CADPS2: variants seen among roughly 807,000 people sequenced by gnomAD.
CADPS2 encodes calcium-dependent secretion activator 2.
Under a neutral mutation model 172.5 loss-of-function variants are expected in CADPS2, and 93 were observed. The observed-to-expected ratio is 0.54, with a 90% CI of 0.46 to 0.64. The LOEUF is 0.64. Ranked by LOEUF, CADPS2 falls within the 30% of genes least tolerant of loss-of-function variation. The pLI is 0.00. For synonymous variants in CADPS2, 546 were observed against 555.2 expected (o/e 0.98, Z 0.23); for missense variants, 1,420 against 1,565.9 (o/e 0.91, Z 1.57).
At chr7:122,392,401 T>TTAA (rs1449025486) in intron 22 of CADPS2, among the ~76,000 whole-genome samples, 2 of 151,438 alleles carry the variant, frequency 1.3e-5, no homozygotes, top group Admixed American at 1.3e-4. Context: ...TTTTTTTTTT[T>TTAA]AAATCATCAC....
chr7:122,544,716 T>C (rs952211979), intron 8 of CADPS2, among the ~76,000 whole-genome samples: 4 of 152,288 alleles, frequency 2.6e-5, no homozygotes, highest in Middle Eastern at 6.8e-3. Flanking sequence ...TTTTGAAGTA[T>C]ATGCTTATGT....
intron 20 of CADPS2, among the ~76,000 whole-genome samples, chr7:122,403,658 A>G (rs908937220): frequency 6.6e-6 from 1 of 152,182 alleles, no homozygotes; most frequent in Non-Finnish European, 1.5e-5. Context: ...TTAATTTATT[A>G]CCCCACAAAT....
chr7:122,320,808 A>T (rs887891536), intron 29 of CADPS2, among the ~76,000 whole-genome samples: 1 of 152,172 alleles, frequency 6.6e-6, no homozygotes. Context: ...TCGGTAAAAG[A>T]AGTTCACATT....
chr7:122,865,907 C>T (rs574365888), intron 1 of CADPS2, among the ~76,000 whole-genome samples: 1 of 152,328 alleles, frequency 6.6e-6, no homozygotes, highest in African/African-American at 2.4e-5. Context: ...CTTCCCCACC[C>T]AGCACCCTCT....
chr7:122,440,589 T>C (rs186165202), intron 16 of CADPS2, among the ~76,000 whole-genome samples: 18 of 152,284 alleles, frequency 1.2e-4, no homozygotes, highest in East Asian at 1.2e-3. Context: ...GTAGTCCTCA[T>C]CTCCCAAGTT....
At chr7:122,881,758 T>G (rs1822990123) in intron 1 of CADPS2, among the ~76,000 whole-genome samples, 1 of 152,224 alleles carries the variant, frequency 6.6e-6, no homozygotes, top group African/African-American at 2.4e-5. Flanking sequence ...AGTGTTACTT[T>G]GAATTCACTA....
chr7:122,601,947 A>T (rs2072846120), intron 6 of CADPS2, among the ~76,000 whole-genome samples: 1 of 152,034 alleles, frequency 6.6e-6, no homozygotes, highest in Admixed American at 6.6e-5. Flanking sequence ...ATTTTAAAAA[A>T]CTGTATTAAT....
chr7:122,594,195 G>T (rs749247853), intron 6 of CADPS2, among the ~76,000 whole-genome samples: 5 of 152,008 alleles, frequency 3.3e-5, no homozygotes, highest in Non-Finnish European at 7.4e-5. Flanking sequence ...AGCTATTCAG[G>T]AGGCTGAGAT....
At chr7:122,333,101 G>T (rs1563085887) in intron 28 of CADPS2, among the ~76,000 whole-genome samples, 2 of 152,166 alleles carry the variant, frequency 1.3e-5, no homozygotes, top group East Asian at 1.9e-4. Flanking sequence ...TTATAATGGT[G>T]TATGTACTAG....
intron 7 of CADPS2, among the ~76,000 whole-genome samples, chr7:122,564,795 T>C (rs1416960007): frequency 6.6e-6 from 1 of 151,654 alleles, no homozygotes; most frequent in Non-Finnish European, 1.5e-5. Context: ...TGCATAAAAT[T>C]TTTAATTGCA....
chr7:122,724,126 A>C (rs1346062770), intron 2 of CADPS2, among the ~76,000 whole-genome samples: 2 of 152,126 alleles, frequency 1.3e-5, no homozygotes, highest in African/African-American at 2.4e-5. Flanking sequence ...ATGTATTCAT[A>C]TGTAACAAAC....
chr7:122,527,640 G>GTC (rs1461602265), intron 8 of CADPS2, among the ~76,000 whole-genome samples: 2 of 151,256 alleles, frequency 1.3e-5, no homozygotes, highest in East Asian at 3.9e-4. Context: ...GTGTGTGTGT[G>GTC]TGTGTGTGTG....
chr7:122,621,526 C>T lies in CADPS2; in HGVS notation c.1059G>A (p.Glu353=). 6.2e-7 allele frequency: 1 copy of T among 1,612,158 alleles called. No individual in the cohort carries two copies. The highest frequency in any genetic ancestry group is 8.5e-7 in the Non-Finnish European group (1 of 1,178,300). ...CCACGTCGGACTTTGACAGCTGAAT[C>T]TCATTCTCATCTCCTATGTCCAAAA... is the stretch of plus-strand genomic sequence containing the variant. The part of the protein sequence containing the change: ...SAFLDIGDEN[E]IQLSKSDVVL... Residue 353 remains glutamate (E), a synonymous_variant, in exon 5 of 30, where the codon GAG becomes GAA. Coordinates refer to ENST00000449022, the MANE Select transcript of CADPS2 (RefSeq NM_017954.11).
rs1335103350 is a variant in CADPS2, at chr7:122,700,155, G to T, written c.454-36586C>A. Reference sequence around the variant, plus strand: ...CTTTCTTGGCGGTGAATCTCAGTGGGTTTTTTCCCACCAGCTAGGAAACCG... The same window carrying T: ...CTTTCTTGGCGGTGAATCTCAGTGGTTTTTTTCCCACCAGCTAGGAAACCG... On this transcript the variant is annotated intron_variant, in intron 2 of 29. Coordinates refer to ENST00000449022, the MANE Select transcript of CADPS2 (RefSeq NM_017954.11). Among the ~76,000 whole-genome samples the T allele has an allele frequency of 2.6e-5, 4 of 152,128 alleles. No homozygotes were observed. The East Asian group carries it at 5.8e-4, about 22-fold the overall frequency.
At chr7:122,409,386 T>C (rs2047036122) in intron 19 of CADPS2, among the ~76,000 whole-genome samples, 1 of 152,080 alleles carries the variant, frequency 6.6e-6, no homozygotes, top group Admixed American at 6.6e-5. Flanking sequence ...GTTTCAGGAC[T>C]CTGAGAAAAA....
rs531226094 is a variant in CADPS2 at position 122,683,705 on chromosome 7, C to T, written c.454-20136G>A. On this transcript the variant is annotated intron_variant, in intron 2 of 29. Transcript: ENST00000449022. ...CTGTCCCTCAGCAAGTACAGAAGGG[C>T]GGTCCTCTAATAAGCTTGCTTTGAT... Among the ~76,000 whole-genome samples, 42 of 151,066 alleles carry T rather than the reference C, an allele frequency of 2.8e-4. No individual in the cohort carries two copies. In the South Asian group the frequency reaches 5.5e-3, roughly 20 times the overall value.
At chr7:122,507,441 G>T (rs190641138) in intron 9 of CADPS2, among the ~76,000 whole-genome samples, 1 of 152,060 alleles carries the variant, frequency 6.6e-6, no homozygotes, top group South Asian at 2.1e-4. Flanking sequence ...CTTTGGTGGG[G>T]GTATCTGGTG....
At chr7:122,666,230 T>A (rs1261048778) in intron 2 of CADPS2, among the ~76,000 whole-genome samples, 3 of 152,120 alleles carry the variant, frequency 2.0e-5, no homozygotes. Flanking sequence ...AAGTTGTATC[T>A]CAAGGTGGAA....
chr7:122,737,639 A>G (rs898580698), intron 1 of CADPS2, among the ~76,000 whole-genome samples: 2 of 152,174 alleles, frequency 1.3e-5, no homozygotes, highest in African/African-American at 4.8e-5. Flanking sequence ...CCAAATTTCT[A>G]CCCCAAGTTT....
Sources: allele counts gnomAD v4.1 joint callset (sites outside exome capture counted in the v4.1 genomes callset), GRCh38; gene constraint gnomAD v4.1.1; transcripts MANE v1.5; gene names NCBI Gene and HGNC (gene_info 2026-07-23, HGNC 2026-07-21).